The following GDPD4 variants were observed in gnomAD, a reference collection of about 807,000 sequenced individuals.
The protein encoded by GDPD4 is glycerophosphodiester phosphodiesterase 6.
GDPD4 carries 60 observed loss-of-function variants against 67.8 expected under a neutral mutation model. That is an observed-to-expected ratio of 0.88 (90% CI 0.72 to 1.10). The LOEUF (loss-of-function observed/expected upper bound fraction) is 1.10, where lower values mean the gene tolerates loss of function less well. Ranked by LOEUF, GDPD4 falls within the 50% of genes least tolerant of loss-of-function variation. The pLI is 0.00. For missense variants in GDPD4, 623 were observed against 613.9 expected (o/e 1.01, Z -0.16); for synonymous variants, 212 against 210.9 (o/e 1.00, Z -0.04).
intron 13 of GDPD4, 76 bp from the exon 14 acceptor site, chr11:77,233,248 T>A: frequency 2.8e-6 from 4 of 1,454,430 alleles, no homozygotes; most frequent in Admixed American, 3.5e-5. Context: ...ACAGCCACCA[T>A]GTTTGTGAAA....
intron 4 of GDPD4, among the ~76,000 whole-genome samples, chr11:77,277,356 C>CCAAAATCTCA: frequency 6.8e-6 from 1 of 147,332 alleles, no homozygotes; most frequent in Non-Finnish European, 1.5e-5. Context: ...TCCAGGCCTT[C>CCAAAATCTCA]CAAAATCTCA....
At chr11:77,222,933 T>C (rs921439491) in intron 16 of GDPD4, among the ~76,000 whole-genome samples, 3 of 152,220 alleles carry the variant, frequency 2.0e-5, no homozygotes, top group Admixed American at 2.0e-4. Context: ...TTCATTTCTT[T>C]TTACTCTACT....
intron 1 of GDPD4, among the ~76,000 whole-genome samples, chr11:77,301,002 G>T (rs1428216567): frequency 6.6e-6 from 1 of 151,092 alleles, no homozygotes; most frequent in Non-Finnish European, 1.5e-5. Flanking sequence ...TTTTTAACCA[G>T]AATAATTACC....
At chr11:77,282,845 G>A (rs113346463) in intron 3 of GDPD4, among the ~76,000 whole-genome samples, 6 of 152,156 alleles carry the variant, frequency 3.9e-5, no homozygotes, top group African/African-American at 1.4e-4. Context: ...TGCCAAACTG[G>A]ATTTGAGAAA....
intron 16 of GDPD4, among the ~76,000 whole-genome samples, chr11:77,218,620 ATGAG>A (rs1423573103): frequency 6.6e-6 from 1 of 152,022 alleles, no homozygotes; most frequent in African/African-American, 2.4e-5. Flanking sequence ...ATTCCCTCCT[ATGAG>A]TGAGAACATG....
intron 2 of GDPD4, 128 bp from the exon 3 acceptor site, chr11:77,285,315 TCA>T (rs1362543047): frequency 8.5e-5 from 50 of 586,998 alleles, no homozygotes; most frequent in Non-Finnish European, 1.1e-4. Context: ...GCTGGAGTGA[TCA>T]CTCTCTTCTT....
At chr11:77,259,414 A>G (rs1054770674) in intron 10 of GDPD4, among the ~76,000 whole-genome samples, 15 of 152,210 alleles carry the variant, frequency 9.9e-5, no homozygotes, top group African/African-American at 3.6e-4. Flanking sequence ...TCATTAAAAT[A>G]TCTATGAAGA....
Position 77,268,859 on chromosome 11 carries a change from T to C in GDPD4, c.624+65A>G, listed in dbSNP as rs191957031. On this transcript the variant is annotated intron_variant, in intron 9 of 16. Coordinates refer to ENST00000315938, the MANE Select transcript of GDPD4 (RefSeq NM_182833.3). The stretch of plus-strand genomic sequence containing the variant: ...TCCAGGGGCTTCCATGGTTCTCTTT[T>C]CTTCTCTTGACCACATACCCCACAC... The C allele has an allele frequency of 1.2e-4, 184 of 1,521,176 alleles. No individual in the cohort carries two copies. In the African/African-American group the frequency reaches 2.3e-3, roughly 19 times the overall value. 94.2% of individuals were successfully genotyped at this position (1,521,176 alleles called of 1,614,324 possible).
chr11:77,270,443 C>T (rs761168814), intron 7 of GDPD4, among the ~76,000 whole-genome samples: 9 of 152,162 alleles, frequency 5.9e-5, no homozygotes, highest in Non-Finnish European at 1.0e-4. Context: ...ATTTGCCGGG[C>T]GCAGTGGCTC....
At chr11:77,271,627 A>C (rs1959228816) in intron 5 of GDPD4, among the ~76,000 whole-genome samples, 1 of 152,182 alleles carries the variant, frequency 6.6e-6, no homozygotes, top group South Asian at 2.1e-4. Context: ...TGGCTGGAAA[A>C]AATTACACAG....
intron 1 of GDPD4, among the ~76,000 whole-genome samples, chr11:77,299,341 A>G (rs1209864275): frequency 2.0e-5 from 3 of 152,190 alleles, no homozygotes; most frequent in Non-Finnish European, 4.4e-5. Flanking sequence ...CCTTGCTCAA[A>G]TGTCACCTTC....
intron 14 of GDPD4, among the ~76,000 whole-genome samples, chr11:77,230,984 G>A (rs1958443482): frequency 6.6e-6 from 1 of 152,164 alleles, no homozygotes; most frequent in African/African-American, 2.4e-5. Context: ...GCTGCCTTGA[G>A]GATGAGCGAC....
chr11:77,295,612 C>T (rs1372300980), intron 1 of GDPD4, among the ~76,000 whole-genome samples: 1 of 152,070 alleles, frequency 6.6e-6, no homozygotes, highest in African/African-American at 2.4e-5. Context: ...TTCTGGGTGA[C>T]AGAATGAGAC....
chr11:77,276,125 G>T, intron 5 of GDPD4, 36 bp downstream of exon 5: 1 of 1,515,826 alleles, frequency 6.6e-7, no homozygotes, highest in Non-Finnish European at 9.2e-7. Context: ...GTTCAGTCCT[G>T]GTCTAAGGTT....
At position 77,298,809 on chromosome 11, in the gene GDPD4, G is replaced by T. The variant is rs370892013; in HGVS notation, c.-254+2796C>A. Among the ~76,000 whole-genome samples, 20 of 152,180 alleles carry T rather than the reference G, an allele frequency of 1.3e-4. No individual in the cohort carries two copies. The South Asian group carries it at 4.1e-3, about 31-fold the overall frequency. On this transcript the variant is annotated intron_variant, in intron 1 of 16. Transcript: ENST00000315938. Reference sequence around the variant, plus strand: ...GAGGGCCATTTCAAAATATGGCAAAGAAACATATTTTGGGGTAAAATATTT... The same window carrying T: ...GAGGGCCATTTCAAAATATGGCAAATAAACATATTTTGGGGTAAAATATTT...
chr11:77,251,701 G>C (rs1417015194), intron 11 of GDPD4, among the ~76,000 whole-genome samples: 1 of 152,076 alleles, frequency 6.6e-6, no homozygotes, highest in Admixed American at 6.6e-5. Flanking sequence ...GAATCTATTT[G>C]GGAACCTTTG....
intron 11 of GDPD4, among the ~76,000 whole-genome samples, chr11:77,248,637 C>T (rs1240298957): frequency 6.6e-6 from 1 of 152,110 alleles, no homozygotes; most frequent in East Asian, 1.9e-4. Context: ...TTTCCATGTC[C>T]CAATATAAAA....
At chr11:77,233,216 A>T in intron 13 of GDPD4, 44 bp from the exon 14 acceptor site, 1 of 1,588,660 alleles carries the variant, frequency 6.3e-7, no homozygotes, top group Non-Finnish European at 8.6e-7. Context: ...ATCAAGTTTC[A>T]TTCTCATCAT....
chr11:77,235,727 G>A (rs2135834276), intron 13 of GDPD4, among the ~76,000 whole-genome samples: 1 of 152,316 alleles, frequency 6.6e-6, no homozygotes, highest in Admixed American at 6.5e-5. Flanking sequence ...GGCCAAGGCA[G>A]GAGGATGGCT....
Sources: gnomAD v4.1 joint callset for allele counts (sites outside exome capture counted in the v4.1 genomes callset) on GRCh38, gnomAD v4.1.1 for gene constraint, MANE v1.5 for transcripts, NCBI Gene and HGNC (gene_info 2026-07-23, HGNC 2026-07-21) for gene names.